RANBP2: variants seen among roughly 807,000 people sequenced by gnomAD.
The protein encoded by RANBP2 is RAN binding protein 2, also known as E3 SUMO-protein ligase RanBP2.
RANBP2 carries 57 observed loss-of-function variants against 303.6 expected under a neutral mutation model. That is an observed-to-expected ratio of 0.19 (90% confidence interval 0.15 to 0.23). The LOEUF is 0.23. Ranked by LOEUF, RANBP2 falls within the 10% of genes least tolerant of loss-of-function variation. The pLI is 1.00. For synonymous variants in RANBP2, 1,167 were observed against 1,301.5 expected (o/e 0.90, Z 2.23); for missense variants, 3,138 against 3,780.8 (o/e 0.83, Z 4.46).
the RANBP2 span, among the ~76,000 whole-genome samples, chr2:109,411,539 G>A: frequency 1.3e-5 from 2 of 152,214 alleles, no homozygotes; most frequent in Non-Finnish European, 2.9e-5. Context: ...ACAGAGACCA[G>A]ATTCAGAGGA....
At chr2:109,569,923 G>T in the RANBP2 span, among the ~76,000 whole-genome samples, 1 of 152,014 alleles carries the variant, frequency 6.6e-6, no homozygotes, top group Admixed American at 6.6e-5. Context: ...ATCTGGAGGT[G>T]GCCTGGGGAG....
At chr2:109,571,711 C>G in the RANBP2 span, among the ~76,000 whole-genome samples, 4 of 152,086 alleles carry the variant, frequency 2.6e-5, no homozygotes, top group Non-Finnish European at 5.9e-5. Context: ...CTCAGGGTAT[C>G]GAAACCAATC....
At chr2:108,789,328 C>T (rs1679515744), downstream of RANBP2, among the ~76,000 whole-genome samples, 1 of 152,130 alleles carries the variant, frequency 6.6e-6, no homozygotes, top group Non-Finnish European at 1.5e-5. Flanking sequence ...TGCGGTGGCT[C>T]ACGCCTGTAA....
chr2:109,529,878 T>C, the RANBP2 span, among the ~76,000 whole-genome samples: 11 of 152,172 alleles, frequency 7.2e-5, no homozygotes, highest in African/African-American at 2.7e-4. Context: ...TGGAAACTTG[T>C]CTGAAATCAT....
the RANBP2 span, among the ~76,000 whole-genome samples, chr2:109,163,043 C>T: frequency 5.9e-5 from 9 of 152,176 alleles, no homozygotes; most frequent in African/African-American, 2.2e-4. Context: ...ATAGTGATAG[C>T]TGGGGCACTG....
chr2:108,812,926 A>G, the RANBP2 span: 4 of 1,612,170 alleles, frequency 2.5e-6, no homozygotes, highest in Non-Finnish European at 3.4e-6. Context: ...AAAACTTACA[A>G]GGTAAGTTTG....
the RANBP2 span, among the ~76,000 whole-genome samples, chr2:109,335,761 G>T: frequency 6.6e-6 from 1 of 152,200 alleles, no homozygotes; most frequent in Non-Finnish European, 1.5e-5. Flanking sequence ...CACTCATTCC[G>T]ATTTGCTGAC....
chr2:109,352,016 C>G, the RANBP2 span, among the ~76,000 whole-genome samples: 2 of 152,218 alleles, frequency 1.3e-5, no homozygotes, highest in Non-Finnish European at 2.9e-5. Context: ...AGTTCAGGCT[C>G]TAGCATGAGG....
rs1677845847 is a variant in RANBP2, at chr2:108,775,832, C to T, written c.8393C>T (p.Ser2798Phe). The T allele has an allele frequency of 6.2e-7, 1 of 1,613,798 alleles. No individual in the cohort carries two copies. Among genetic ancestry groups the T allele is most frequent in the Non-Finnish European group, 8.5e-7 (1 of 1,179,918 alleles). Residue 2798 changes from serine to phenylalanine, a missense_variant, in exon 24 of 29, where the codon TCT (serine) becomes TTT (phenylalanine). By Grantham distance (155) the Ser-to-Phe change is radical. Transcript: ENST00000283195. ...PSFCKSEEPD[S>F]ITKSISSPSV... Reference sequence around the variant, plus strand: ...TTCTGTAAATCTGAAGAACCTGATTCTATTACCAAATCCATTAGTTCACCA... The same window carrying T: ...TTCTGTAAATCTGAAGAACCTGATTTTATTACCAAATCCATTAGTTCACCA...
chr2:109,675,113 A>G, the RANBP2 span, among the ~76,000 whole-genome samples: 2 of 152,166 alleles, frequency 1.3e-5, no homozygotes, highest in Non-Finnish European at 2.9e-5. Context: ...GACCACAGGC[A>G]TGTGCCACCA....
the RANBP2 span, among the ~76,000 whole-genome samples, chr2:109,595,379 C>T: frequency 3.3e-5 from 5 of 152,190 alleles, no homozygotes; most frequent in Admixed American, 1.3e-4. Context: ...TAATACCTGG[C>T]TTCAGGCTTT....
At chr2:109,003,709 C>T in the RANBP2 span, among the ~76,000 whole-genome samples, 1 of 152,200 alleles carries the variant, frequency 6.6e-6, no homozygotes, top group Middle Eastern at 3.2e-3. Flanking sequence ...CTGCGCCCAG[C>T]CAGTTCTCTC....
At chr2:109,369,656 C>T in the RANBP2 span, among the ~76,000 whole-genome samples, 4 of 152,126 alleles carry the variant, frequency 2.6e-5, no homozygotes. Context: ...TGGGAGAGGG[C>T]GGTTTGGAAG....
chr2:109,175,426 C>T, the RANBP2 span, among the ~76,000 whole-genome samples: 1 of 152,210 alleles, frequency 6.6e-6, no homozygotes, highest in South Asian at 2.1e-4. Flanking sequence ...AACTTTTTGG[C>T]AGTCGTCTGT....
At chr2:109,583,989 G>T in the RANBP2 span, among the ~76,000 whole-genome samples, 1 of 152,260 alleles carries the variant, frequency 6.6e-6, no homozygotes, top group South Asian at 2.1e-4. Flanking sequence ...GGGACTACTA[G>T]AGTGGGAAGG....
At chr2:109,559,751 T>C in the RANBP2 span, among the ~76,000 whole-genome samples, 1 of 152,152 alleles carries the variant, frequency 6.6e-6, no homozygotes, top group African/African-American at 2.4e-5. Context: ...CTGGACATTC[T>C]TTCCCTGGAC....
the RANBP2 span, among the ~76,000 whole-genome samples, chr2:109,646,488 C>T: frequency 4.6e-5 from 7 of 151,750 alleles, 1 homozygote; most frequent in Admixed American, 3.3e-4. Flanking sequence ...TATTTGTAAA[C>T]GGCTAATAAT....
At position 108,763,291 on chromosome 2, in the gene RANBP2, C is replaced by T. The variant is rs1401185320; in HGVS notation, c.2752C>T (p.Pro918Ser). 1.2e-6 allele frequency: 2 copies of T among 1,613,926 alleles called. No individual in the cohort carries two copies. Among genetic ancestry groups the T allele is most frequent in the South Asian group, 2.2e-5 (2 of 91,086 alleles). The change falls in exon 20 of 29, where the codon CCG (proline) becomes TCG (serine). Residue 918 changes from proline to serine, a missense_variant. Pro to Ser is a moderately conservative substitution (Grantham distance 74, BLOSUM62 -1). Around this residue, in one of 20 missense-constraint regions of RANBP2, gnomAD observed 403 missense variants for 376.7 expected, o/e 1.07. Coordinates refer to ENST00000283195, the MANE Select transcript of RANBP2 (RefSeq NM_006267.5). ...LPPQQHIYAY[P>S]QQMHTPPVQS... ...ACCCCAACAGCATATTTATGCCTAT[C>T]CGCAACAGATGCACACACCGCCAGT...
At chr2:109,326,282 T>C in the RANBP2 span, among the ~76,000 whole-genome samples, 5 of 152,222 alleles carry the variant, frequency 3.3e-5, no homozygotes, top group Non-Finnish European at 7.3e-5. Context: ...TTTTATGTAG[T>C]GTACAGTTTT....
Sources: gnomAD v4.1 joint callset for allele counts (sites outside exome capture counted in the v4.1 genomes callset) on GRCh38, gnomAD v4.1.1 for gene constraint, gnomAD v4.1.1 regional missense constraint, MANE v1.5 for transcripts, NCBI Gene and HGNC (gene_info 2026-07-23, HGNC 2026-07-21) for gene names.